The following DAB1 variants were observed in gnomAD, a reference collection of about 807,000 sequenced individuals.
DAB1 encodes the protein disabled homolog 1.
In DAB1, 15 loss-of-function variants were observed where a neutral mutation model predicts 64.6. The ratio of observed to expected loss-of-function variants is 0.23; its 90% CI spans 0.16 to 0.36. DAB1 has a LOEUF of 0.36. DAB1 is among the 10% of genes least tolerant of loss of function. DAB1 has a pLI of 1.00. For synonymous variants in DAB1, 235 were observed against 251.9 expected (o/e 0.93, Z 0.64); for missense variants, 596 against 706.7 (o/e 0.84, Z 1.78).
upstream of DAB1, among the ~76,000 whole-genome samples, chr1:57,428,708 T>C (rs555824008): frequency 1.7e-3 from 261 of 152,224 alleles, 1 homozygote; most frequent in Non-Finnish European, 2.9e-3. Context: ...CATATGGTAG[T>C]TCTATTTTTA....
intron 3 of DAB1, among the ~76,000 whole-genome samples, chr1:58,372,886 G>A (rs1455074833): frequency 6.6e-6 from 1 of 152,080 alleles, no homozygotes; most frequent in Non-Finnish European, 1.5e-5. Flanking sequence ...CACCCCTGTA[G>A]AACTGTGCGT....
intron 9 of DAB1, among the ~76,000 whole-genome samples, chr1:57,044,572 A>T (rs1328413984): frequency 6.6e-6 from 1 of 152,182 alleles, no homozygotes; most frequent in East Asian, 1.9e-4. Flanking sequence ...ATCTCTGAGG[A>T]CCTTGTAGCT....
intron 7 of DAB1, among the ~76,000 whole-genome samples, chr1:57,434,039 C>G (rs552082367): frequency 2.0e-5 from 3 of 152,118 alleles, no homozygotes; most frequent in African/African-American, 7.2e-5. Flanking sequence ...AATGCTAGTA[C>G]AAGTATAAAA....
rs1459833502 is a variant in DAB1 at position 57,011,283 on chromosome 1, A to G, written c.1445-11T>C. The G allele has an allele frequency of 6.2e-7, 1 of 1,610,718 alleles. No individual in the cohort carries two copies. The highest frequency in any genetic ancestry group is 8.5e-7 in the Non-Finnish European group (1 of 1,178,978). ...GGGCTGGGGTTGGAGCTACACAGAGACCACAGAAAAAGAGACATCTTAAGT... is the reference window on the plus strand; with the variant it reads ...GGGCTGGGGTTGGAGCTACACAGAGGCCACAGAAAAAGAGACATCTTAAGT... On this transcript the variant is annotated splice_polypyrimidine_tract_variant and intron_variant, in intron 12 of 14. Transcript: ENST00000371236.
At chr1:58,078,657 T>C (rs1649798301) in intron 5 of DAB1, among the ~76,000 whole-genome samples, 1 of 152,186 alleles carries the variant, frequency 6.6e-6, no homozygotes, top group Admixed American at 6.5e-5. Flanking sequence ...GTATTAATTA[T>C]ATGCCAGACA....
intron 4 of DAB1, among the ~76,000 whole-genome samples, chr1:57,103,898 C>A (rs531122811): frequency 1.3e-5 from 2 of 151,968 alleles, no homozygotes; most frequent in Non-Finnish European, 2.9e-5. Context: ...TGACAATGAC[C>A]GCAGCTGACA....
chr1:57,634,001 C>T (rs768501793), intron 7 of DAB1, among the ~76,000 whole-genome samples: 42 of 152,322 alleles, frequency 2.8e-4, no homozygotes, highest in Non-Finnish European at 4.1e-4. Context: ...CAAATATAAA[C>T]TTACAGTGTG....
chr1:57,826,473 A>G (rs908489696), intron 1 of DAB1: 1 of 152,286 alleles, frequency 6.6e-6, no homozygotes, highest in African/African-American at 2.4e-5. Flanking sequence ...AAAACTAGGA[A>G]TTAGCCAAAA....
intron 4 of DAB1, among the ~76,000 whole-genome samples, chr1:58,226,127 G>C (rs1001305702): frequency 7.2e-5 from 11 of 152,130 alleles, no homozygotes; most frequent in African/African-American, 2.2e-4. Flanking sequence ...TGGAATTCTA[G>C]CTCTGGCCAT....
intron 3 of DAB1, among the ~76,000 whole-genome samples, chr1:58,440,642 A>T (rs1337260411): frequency 1.3e-5 from 2 of 152,240 alleles, no homozygotes; most frequent in African/African-American, 4.8e-5. Flanking sequence ...TAATGAAATA[A>T]GTGTTTATCA....
At chr1:57,705,974 T>C (rs1393696037) in intron 6 of DAB1, among the ~76,000 whole-genome samples, 1 of 151,970 alleles carries the variant, frequency 6.6e-6, no homozygotes, top group Non-Finnish European at 1.5e-5. Flanking sequence ...ATCTTACTTT[T>C]TCACGGCTTA....
At chr1:57,684,952 T>C (rs1389401666) in intron 6 of DAB1, among the ~76,000 whole-genome samples, 3 of 80,172 alleles carry the variant, frequency 3.7e-5, no homozygotes, top group Non-Finnish European at 6.8e-5. Context: ...TGCTATTCTT[T>C]CTTTTTTCTT....
chr1:58,354,235 C>T (rs1644086731), intron 3 of DAB1, among the ~76,000 whole-genome samples: 1 of 151,948 alleles, frequency 6.6e-6, no homozygotes, highest in Non-Finnish European at 1.5e-5. Flanking sequence ...CTCAGTGCTC[C>T]CAGATCTACG....
intron 5 of DAB1, chr1:58,074,365 C>T (rs1483403247): frequency 2.7e-5 from 4 of 150,314 alleles, no homozygotes; most frequent in Non-Finnish European, 4.4e-5. Flanking sequence ...AACTGCTATT[C>T]TGTATATACA....
intron 5 of DAB1, chr1:58,048,444 T>A: frequency 1.0e-6 from 1 of 984,078 alleles, no homozygotes; most frequent in East Asian, 2.5e-5. Flanking sequence ...TAGCTGCCAC[T>A]CCCGCCATAG....
chr1:57,287,093 A>G (rs1672376483), intron 2 of DAB1, among the ~76,000 whole-genome samples: 1 of 151,952 alleles, frequency 6.6e-6, no homozygotes, highest in Non-Finnish European at 1.5e-5. Flanking sequence ...TTGTTTTGTG[A>G]CAAGGTCTGG....
chr1:58,380,494 G>T (rs545921004), intron 3 of DAB1, among the ~76,000 whole-genome samples: 21 of 152,318 alleles, frequency 1.4e-4, no homozygotes, highest in African/African-American at 4.6e-4. Flanking sequence ...GACTAATACA[G>T]CCCTGGATTG....
In DAB1 at chr1:58,322,121, T is replaced by TA. The variant is rs200866939; in HGVS notation, n.309+21230dup. On this transcript the variant is annotated intron_variant and non_coding_transcript_variant, in intron 4 of 20. Coordinates refer to the DAB1 transcript ENST00000485760. Reference sequence around the variant, plus strand: ...GGATTAAAGACTTAAATATTAGACCTAAAACCATAAAAACCCTAGAAGAAA... The same window carrying TA: ...GGATTAAAGACTTAAATATTAGACCTAAAAACCATAAAAACCCTAGAAGAAA... 2.0e-5 allele frequency among the ~76,000 whole-genome samples: 3 copies of TA among 152,252 alleles called. No homozygotes were observed. The East Asian group carries it at 5.8e-4, about 29-fold the overall frequency.
At chr1:57,260,066 A>G (rs183539079) in intron 2 of DAB1, among the ~76,000 whole-genome samples, 2 of 152,306 alleles carry the variant, frequency 1.3e-5, no homozygotes, top group East Asian at 1.9e-4. Context: ...CTAGGCACAT[A>G]GAGAACTCGG....
Sources: allele counts gnomAD v4.1 joint callset (sites outside exome capture counted in the v4.1 genomes callset), GRCh38; gene constraint gnomAD v4.1.1; transcripts MANE v1.5; gene names NCBI Gene and HGNC (gene_info 2026-07-23, HGNC 2026-07-21).